The following ANKS1B variants were observed in gnomAD, a reference collection of about 807,000 sequenced individuals.
ANKS1B encodes ankyrin repeat and sterile alpha motif domain containing 1B, also known as ankyrin repeat and sterile alpha motif domain-containing protein 1B.
In ANKS1B, 36 loss-of-function variants were observed where a neutral mutation model predicts 148.3. The observed-to-expected ratio is 0.24, with a 90% confidence interval of 0.19 to 0.32. The LOEUF (loss-of-function observed/expected upper bound fraction) is 0.32. ANKS1B is among the 10% of genes least tolerant of loss of function. The pLI is 1.00. For missense variants in ANKS1B, 1,157 were observed against 1,542.6 expected, an observed-to-expected ratio of 0.75 and a Z score of 4.19; for synonymous variants, 542 against 560.8, an observed-to-expected ratio of 0.97 and a Z score of 0.47.
chr12:99,173,766 G>A (rs1478057004), intron 14 of ANKS1B, among the ~76,000 whole-genome samples: 2 of 152,086 alleles, frequency 1.3e-5, no homozygotes, highest in Admixed American at 6.6e-5. Flanking sequence ...TCACCACCAA[G>A]CATGTGTCCT....
chr12:98,982,336 C>G (rs1430150684), intron 17 of ANKS1B, among the ~76,000 whole-genome samples: 1 of 151,844 alleles, frequency 6.6e-6, no homozygotes, highest in Non-Finnish European at 1.5e-5. Flanking sequence ...GACAATGTTT[C>G]TGCTCTGCAG....
At chr12:99,950,101 C>T (rs1361981046) in intron 1 of ANKS1B, among the ~76,000 whole-genome samples, 1 of 142,870 alleles carries the variant, frequency 7.0e-6, no homozygotes, top group Non-Finnish European at 1.5e-5. Flanking sequence ...TGCACGCCAT[C>T]ATGCTCAGTT....
chr12:99,468,334 C>A (rs1017591561), intron 10 of ANKS1B, among the ~76,000 whole-genome samples: 1 of 152,268 alleles, frequency 6.6e-6, no homozygotes, highest in South Asian at 2.1e-4. Flanking sequence ...ACCATAAAAA[C>A]CCTAGAAGAA....
chr12:99,164,262 C>A (rs1477801075), intron 14 of ANKS1B, among the ~76,000 whole-genome samples: 2 of 152,038 alleles, frequency 1.3e-5, no homozygotes, highest in Non-Finnish European at 2.9e-5. Context: ...AAAAATGTGT[C>A]TCATAAATAG....
rs557572616 is a variant in ANKS1B at position 98,999,464 on chromosome 12, C to T, written c.2778+53693G>A. Among the ~76,000 whole-genome samples the T allele has an allele frequency of 2.6e-5, 4 of 152,050 alleles. No individual in the cohort carries two copies. The South Asian group carries it at 6.2e-4, about 24-fold the overall frequency. ...ATCTTGGTGGTGATGACAGATGTTACGTATATTACATTGGGATTTGGGTCA... is the reference window on the plus strand; with the variant it reads ...ATCTTGGTGGTGATGACAGATGTTATGTATATTACATTGGGATTTGGGTCA... On this transcript the variant is annotated intron_variant, in intron 17 of 26. Transcript: ENST00000683438.
intron 15 of ANKS1B, among the ~76,000 whole-genome samples, chr12:99,134,573 T>A (rs940532063): frequency 6.6e-6 from 1 of 151,354 alleles, no homozygotes; most frequent in African/African-American, 2.4e-5. Flanking sequence ...AACACACATA[T>A]CCCCACCCCA....
intron 9 of ANKS1B, among the ~76,000 whole-genome samples, chr12:99,572,595 T>C (rs1023873985): frequency 1.3e-5 from 2 of 152,104 alleles, no homozygotes; most frequent in African/African-American, 4.8e-5. Context: ...AAATTTTAAG[T>C]CCTGCATTTT....
At chr12:98,960,428 T>C (rs2099869380) in intron 17 of ANKS1B, among the ~76,000 whole-genome samples, 1 of 152,214 alleles carries the variant, frequency 6.6e-6, no homozygotes, top group African/African-American at 2.4e-5. Context: ...ACAGTGTTAC[T>C]AGACTCGAGG....
intron 10 of ANKS1B, among the ~76,000 whole-genome samples, chr12:99,454,452 A>T (rs58720542): frequency 0.049 from 7,534 of 152,284 alleles, 235 homozygotes; most frequent in East Asian, 0.14. Context: ...TATCTACACC[A>T]GAGAAGTTCT....
At chr12:99,103,974 G>GTCTCT (rs1349519228) in intron 15 of ANKS1B, among the ~76,000 whole-genome samples, 2 of 152,200 alleles carry the variant, frequency 1.3e-5, no homozygotes, top group Non-Finnish European at 2.9e-5. Flanking sequence ...TGTCTTCCAA[G>GTCTCT]GGTGCCAATC....
At chr12:99,565,653 A>G (rs78515896) in intron 9 of ANKS1B, among the ~76,000 whole-genome samples, 1 of 152,118 alleles carries the variant, frequency 6.6e-6, no homozygotes, top group Non-Finnish European at 1.5e-5. Flanking sequence ...ATGAAAGGTA[A>G]CACATGTTTG....
chr12:99,020,391 T>A (rs953581851), intron 17 of ANKS1B, among the ~76,000 whole-genome samples: 1 of 152,146 alleles, frequency 6.6e-6, no homozygotes, highest in African/African-American at 2.4e-5. Context: ...AACATAAAAG[T>A]ATTTTATCTG....
At chr12:99,448,685 T>C (rs1356091871) in intron 10 of ANKS1B, among the ~76,000 whole-genome samples, 1 of 152,124 alleles carries the variant, frequency 6.6e-6, no homozygotes, top group Non-Finnish European at 1.5e-5. Flanking sequence ...AATAAGTATA[T>C]ATAATTTTTG....
intron 17 of ANKS1B, chr12:98,976,668 A>G (rs1271545809): frequency 6.6e-6 from 1 of 152,248 alleles, no homozygotes; most frequent in Non-Finnish European, 1.5e-5. Flanking sequence ...CAGATAAACA[A>G]TGTAAAACAT....
chr12:99,613,563 G>A (rs1366156493), intron 9 of ANKS1B, among the ~76,000 whole-genome samples: 2 of 152,048 alleles, frequency 1.3e-5, no homozygotes, highest in Non-Finnish European at 2.9e-5. Context: ...GGACATGGAT[G>A]GAGGTGGAGG....
chr12:99,608,422 A>G lies in ANKS1B; in HGVS notation c.1272+46645T>C, dbSNP rs1302274019. 2.0e-5 allele frequency among the ~76,000 whole-genome samples: 3 copies of G among 152,130 alleles called. 1 individual carries two copies. The highest frequency in any genetic ancestry group is 4.4e-5 in the Non-Finnish European group (3 of 68,020). On this transcript the variant is annotated intron_variant, in intron 9 of 26. Coordinates refer to ENST00000683438, the MANE Select transcript of ANKS1B (RefSeq NM_001352186.2). ...CACAAGAAACAAAGAGGATGGAAAC[A>G]AGATATAATACCTGTGAATTTGGAA... is the stretch of plus-strand genomic sequence containing the variant.
In ANKS1B at chr12:98,950,113, G is replaced by T. The variant is rs150068139; in HGVS notation, c.2778+103044C>A. On this transcript the variant is annotated intron_variant, in intron 17 of 26. Transcript: ENST00000683438. ...TGAAGTGAAAGAAGTCAGTGAAGAT[G>T]CATTAAGACCGTAGGTCAGGTTCAA... 2.0e-5 allele frequency among the ~76,000 whole-genome samples: 3 copies of T among 152,228 alleles called. No homozygotes were observed. The East Asian group carries it at 5.8e-4, about 29-fold the overall frequency.
At chr12:99,734,347 C>G (rs893811281) in intron 8 of ANKS1B, among the ~76,000 whole-genome samples, 7 of 152,116 alleles carry the variant, frequency 4.6e-5, no homozygotes, top group African/African-American at 1.4e-4. Flanking sequence ...GGCTGGAGTG[C>G]AATGGCATGA....
intron 1 of ANKS1B, among the ~76,000 whole-genome samples, chr12:99,842,255 T>C (rs945434552): frequency 6.6e-6 from 1 of 152,164 alleles, no homozygotes; most frequent in South Asian, 2.1e-4. Context: ...CTTAGAATCA[T>C]TATATGTCTT....
Sources: allele counts gnomAD v4.1 joint callset (sites outside exome capture counted in the v4.1 genomes callset), GRCh38; gene constraint gnomAD v4.1.1; transcripts MANE v1.5; gene names NCBI Gene and HGNC (gene_info 2026-07-23, HGNC 2026-07-21).